Variants in SH3PXD2A observed in about 807,000 individuals in gnomAD.
SH3PXD2A encodes the protein SH3 and PX domain-containing protein 2A.
Under a neutral mutation model 115.2 loss-of-function variants are expected in SH3PXD2A, and 32 were observed. The ratio of observed to expected loss-of-function variants is 0.28; its 90% confidence interval spans 0.21 to 0.37. The LOEUF is 0.37. SH3PXD2A is among the 10% of genes least tolerant of loss of function. The pLI is 1.00. For synonymous variants in SH3PXD2A, 610 were observed against 629.1 expected, an observed-to-expected ratio of 0.97 and a Z score of 0.45; for missense variants, 1,328 against 1,498.7, an observed-to-expected ratio of 0.89 and a Z score of 1.88.
intron 8 of SH3PXD2A, among the ~76,000 whole-genome samples, chr10:103,651,679 T>A (rs375354016): frequency 2.4e-4 from 36 of 152,344 alleles, no homozygotes; most frequent in African/African-American, 8.2e-4. Context: ...CTTGCCAAGA[T>A]GTTTTATAGA....
chr10:103,630,442 T>A (rs3781351), intron 8 of SH3PXD2A, among the ~76,000 whole-genome samples: 70,665 of 151,954 alleles, frequency 0.47, 17,061 homozygotes, highest in South Asian at 0.73. Context: ...CATCTCCTGA[T>A]TAGTCTGTCA....
intron 5 of SH3PXD2A, among the ~76,000 whole-genome samples, chr10:103,714,339 A>G (rs2038080641): frequency 6.6e-6 from 1 of 151,752 alleles, no homozygotes; most frequent in South Asian, 2.1e-4. Flanking sequence ...ACCCCCACAC[A>G]CTCCTGCACC....
At chr10:103,854,447 GT>G (rs1175205522) in intron 1 of SH3PXD2A, among the ~76,000 whole-genome samples, 1 of 152,120 alleles carries the variant, frequency 6.6e-6, no homozygotes, top group Non-Finnish European at 1.5e-5. Flanking sequence ...AGCTGCCCCA[GT>G]CAACCTTAAC....
At chr10:103,845,329 T>C (rs1487662800) in intron 1 of SH3PXD2A, among the ~76,000 whole-genome samples, 1 of 12,206 alleles carries the variant, frequency 8.2e-5, no homozygotes, top group Non-Finnish European at 1.5e-4. Flanking sequence ...AGACTTCATC[T>C]CAAAAAAAAA....
intron 3 of SH3PXD2A, among the ~76,000 whole-genome samples, chr10:103,739,496 G>T (rs1320952324): frequency 6.6e-6 from 1 of 152,112 alleles, no homozygotes; most frequent in East Asian, 1.9e-4. Flanking sequence ...GGATTCTCCG[G>T]TCTTGACTTC....
chr10:103,615,598 T>C lies in SH3PXD2A; in HGVS notation c.920+1599A>G, dbSNP rs2036506771. Among the ~76,000 whole-genome samples, 2 of 150,456 alleles carry C rather than the reference T, an allele frequency of 1.3e-5. 1 individual carries two copies. The highest frequency in any genetic ancestry group is 2.9e-5 in the Non-Finnish European group (2 of 67,816). ...ACGTAGAGCCTGGAATGTTGGGAAA[T>C]GGCATATTTAAGGGGGTGTCTGGCA... On this transcript the variant is annotated intron_variant, in intron 11 of 14. Transcript: ENST00000369774.
At chr10:103,769,535 G>A (rs1162218937) in intron 2 of SH3PXD2A, among the ~76,000 whole-genome samples, 2 of 144,612 alleles carry the variant, frequency 1.4e-5, no homozygotes, top group Admixed American at 7.2e-5. Context: ...TGCAACCTCC[G>A]CCTCCCAGGA....
At chr10:103,671,757 G>GA (rs2037463736) in intron 6 of SH3PXD2A, among the ~76,000 whole-genome samples, 1 of 152,036 alleles carries the variant, frequency 6.6e-6, no homozygotes, top group African/African-American at 2.4e-5. Context: ...GGACAGGGGT[G>GA]AAGGAGCAGT....
At position 103,724,314 on chromosome 10, in the gene SH3PXD2A, G is replaced by A. The variant is rs778464772; in HGVS notation, c.354C>T (p.Phe118=). The A allele has an allele frequency of 3.2e-6, 5 of 1,583,220 alleles. No individual in the cohort carries two copies. The highest frequency in any genetic ancestry group is 3.4e-6 in the Non-Finnish European group (4 of 1,167,440). The part of the protein sequence containing the change: ...PPHISQCDEV[F]RFFEARPEDV... ...CCTCGGGTCGAGCCTCGAAGAACCG[G>A]AAGACTTCGTCACACTGTGAGATGT... The change falls in exon 5 of 15, where the codon TTC becomes TTT. Residue 118 remains phenylalanine (F), a synonymous_variant. Coordinates refer to ENST00000369774, the MANE Select transcript of SH3PXD2A (RefSeq NM_001394015.1).
intron 8 of SH3PXD2A, among the ~76,000 whole-genome samples, chr10:103,649,567 C>G (rs1033329590): frequency 6.6e-6 from 1 of 152,186 alleles, no homozygotes; most frequent in African/African-American, 2.4e-5. Flanking sequence ...TTGGCCAAAC[C>G]AGGCATGGGA....
chr10:103,682,221 C>G (rs993156881), intron 6 of SH3PXD2A, among the ~76,000 whole-genome samples: 1 of 152,230 alleles, frequency 6.6e-6, no homozygotes, highest in African/African-American at 2.4e-5. Flanking sequence ...CCTCCCCGCT[C>G]CGCCTTGCTC....
At chr10:103,837,233 C>T (rs1236937665) in intron 1 of SH3PXD2A, among the ~76,000 whole-genome samples, 1 of 152,252 alleles carries the variant, frequency 6.6e-6, no homozygotes, top group Non-Finnish European at 1.5e-5. Flanking sequence ...TTATCTGACT[C>T]CTCTCTAACG....
chr10:103,697,258 A>C (rs975126445), intron 5 of SH3PXD2A, among the ~76,000 whole-genome samples: 1 of 152,162 alleles, frequency 6.6e-6, no homozygotes, highest in East Asian at 1.9e-4. Flanking sequence ...TGCAATGTAC[A>C]GTGTGTAGAA....
At chr10:103,678,026 G>A (rs1388230192) in intron 6 of SH3PXD2A, 8 of 923,864 alleles carry the variant, frequency 8.7e-6, no homozygotes, top group Admixed American at 7.0e-5. Context: ...CCTGAAGGGC[G>A]TTGGCTCCCA....
In SH3PXD2A at chr10:103,598,365, G is replaced by A. The variant is rs763970493; in HGVS notation, c.*3451C>T. 1 of 152,538 alleles carries A rather than the reference G, an allele frequency of 6.6e-6. No individual in the cohort carries two copies. The highest frequency in any genetic ancestry group is 1.5e-5 in the Non-Finnish European group (1 of 68,042). The allele number at this position is 152,538 out of a possible 1,614,324, so 9.4% of individuals were successfully genotyped here. A position where few individuals can be genotyped will look rare whatever the true frequency, so the allele number is the denominator to read the frequency against. On this transcript the variant is annotated 3_prime_UTR_variant, in exon 15 of 15. Transcript: ENST00000369774. ...AGGAGGAGAGGGGCAACACAGCCAGGTCTGCTGTCACAAAGAGGGATGAGG... is the reference window on the plus strand; with the variant it reads ...AGGAGGAGAGGGGCAACACAGCCAGATCTGCTGTCACAAAGAGGGATGAGG...
chr10:103,846,642 T>C (rs886592949), intron 1 of SH3PXD2A, among the ~76,000 whole-genome samples: 2 of 152,260 alleles, frequency 1.3e-5, no homozygotes, highest in Non-Finnish European at 2.9e-5. Context: ...CCCTCCGCTC[T>C]GCAAGGCAAG....
chr10:103,733,109 G>C (rs1392759495), intron 4 of SH3PXD2A, among the ~76,000 whole-genome samples: 1 of 151,832 alleles, frequency 6.6e-6, no homozygotes, highest in Non-Finnish European at 1.5e-5. Context: ...ATAGATGGCT[G>C]TCTGCTTGGT....
chr10:103,846,820 G>A (rs376361837), intron 1 of SH3PXD2A, among the ~76,000 whole-genome samples: 196 of 152,356 alleles, frequency 1.3e-3, no homozygotes, highest in African/African-American at 4.5e-3. Flanking sequence ...AGCGGTCTCT[G>A]TGGGGACAGG....
At chr10:103,793,602 G>C (rs1183661376) in intron 2 of SH3PXD2A, among the ~76,000 whole-genome samples, 1 of 152,212 alleles carries the variant, frequency 6.6e-6, no homozygotes, top group African/African-American at 2.4e-5. Context: ...GTTCTCCTCT[G>C]TCTAAGGCAT....
Sources: allele counts gnomAD v4.1 joint callset (sites outside exome capture counted in the v4.1 genomes callset), GRCh38; gene constraint gnomAD v4.1.1; transcripts MANE v1.5; gene names NCBI Gene and HGNC (gene_info 2026-07-23, HGNC 2026-07-21).